Variants in CFAP20DC observed in about 807,000 individuals in gnomAD.
CFAP20DC encodes the protein protein CFAP20DC.
CFAP20DC carries 84 observed loss-of-function variants against 101.7 expected under a neutral mutation model. That is an observed-to-expected ratio of 0.83 (90% CI 0.69 to 0.99). CFAP20DC has a LOEUF of 0.99. Ranked by LOEUF, CFAP20DC falls within the 50% of genes least tolerant of loss-of-function variation. CFAP20DC has a pLI of 0.00. For synonymous variants in CFAP20DC, 359 were observed against 351.2 expected, an observed-to-expected ratio of 1.02 and a Z score of -0.25; for missense variants, 1,007 against 970.3, an observed-to-expected ratio of 1.04 and a Z score of -0.50.
chr3:59,003,856 T>C (rs1408341898), intron 4 of CFAP20DC, among the ~76,000 whole-genome samples: 1 of 152,210 alleles, frequency 6.6e-6, no homozygotes, highest in East Asian at 1.9e-4. Flanking sequence ...CTAATTTCAC[T>C]TTAATTTCCA....
downstream of CFAP20DC, among the ~76,000 whole-genome samples, chr3:58,741,228 C>G (rs574096020): frequency 6.6e-6 from 1 of 152,150 alleles, no homozygotes; most frequent in East Asian, 1.9e-4. Context: ...TAAGTACTTC[C>G]TTGAGCTCAA....
chr3:58,767,362 C>T (rs1015716842), intron 15 of CFAP20DC, among the ~76,000 whole-genome samples: 1 of 152,024 alleles, frequency 6.6e-6, no homozygotes, highest in African/African-American at 2.4e-5. Flanking sequence ...TAATTTTCTA[C>T]CTCAGGAAGC....
chr3:58,770,963 G>A (rs1575599237), intron 15 of CFAP20DC, among the ~76,000 whole-genome samples: 2 of 152,206 alleles, frequency 1.3e-5, no homozygotes, highest in East Asian at 3.9e-4. Context: ...TATGTTTATC[G>A]CGGCACTATT....
At chr3:58,759,584 G>C (rs1282005357) in intron 15 of CFAP20DC, among the ~76,000 whole-genome samples, 1 of 152,128 alleles carries the variant, frequency 6.6e-6, no homozygotes, top group Non-Finnish European at 1.5e-5. Flanking sequence ...ACTGATTTTG[G>C]TGTTTTAGAC....
chr3:58,751,492 C>G (rs186224618), intron 16 of CFAP20DC, among the ~76,000 whole-genome samples: 1 of 152,232 alleles, frequency 6.6e-6, no homozygotes, highest in Non-Finnish European at 1.5e-5. Context: ...TTCTAACAAG[C>G]ATGGGTGGGA....
At chr3:59,033,869 G>C (rs1390869837) in intron 4 of CFAP20DC, among the ~76,000 whole-genome samples, 2 of 152,142 alleles carry the variant, frequency 1.3e-5, no homozygotes, top group Non-Finnish European at 2.9e-5. Flanking sequence ...GATATTCCTT[G>C]AGAAGAGCAA....
intron 12 of CFAP20DC, chr3:58,862,602 A>G (rs2079342009): frequency 1.0e-6 from 1 of 985,292 alleles, no homozygotes; most frequent in Non-Finnish European, 1.2e-6. Flanking sequence ...TATATTCTCA[A>G]CTGCCTCCGA....
At chr3:58,870,455 A>G in intron 7 of CFAP20DC, 146 bp from the exon 8 acceptor site, 1 of 688,690 alleles carries the variant, frequency 1.5e-6, no homozygotes, top group Non-Finnish European at 2.5e-6. Context: ...CACAGATACT[A>G]GGGCCCAACA....
rs924616002 is a variant in CFAP20DC at position 58,728,698 on chromosome 3, T to G, written c.198-11070A>C. On this transcript the variant is annotated intron_variant, in intron 3 of 3. Transcript: ENST00000486145. This position sits in a 1 kb window ranked among gnomAD's most constrained non-coding sequence, Gnocchi z 4.7. ...ATATGCCAGAGCTTTGGTAAATGCA[T>G]GAACTCTACACACCGTATTGGAGAG... is the stretch of plus-strand genomic sequence containing the variant. 1.3e-5 allele frequency among the ~76,000 whole-genome samples: 2 copies of G among 152,284 alleles called. No homozygotes were observed. The highest frequency in any genetic ancestry group is 2.9e-5 in the Non-Finnish European group (2 of 68,026).
intron 14 of CFAP20DC, among the ~76,000 whole-genome samples, chr3:58,811,855 A>G (rs2074665395): frequency 6.6e-6 from 1 of 152,144 alleles, no homozygotes; most frequent in Non-Finnish European, 1.5e-5. Flanking sequence ...AAACAAATTT[A>G]CAAGAAAAAA....
intron 14 of CFAP20DC, among the ~76,000 whole-genome samples, chr3:58,808,359 T>G (rs757054358): frequency 1.4e-4 from 22 of 152,208 alleles, no homozygotes; most frequent in South Asian, 8.3e-4. Flanking sequence ...GACTAACAGC[T>G]GATCTCTCAG....
chr3:58,901,898 C>T (rs1299019472), intron 6 of CFAP20DC, among the ~76,000 whole-genome samples: 1 of 152,186 alleles, frequency 6.6e-6, no homozygotes, highest in Admixed American at 6.5e-5. Context: ...AACCCCTTAT[C>T]CATTAAGTAG....
intron 3 of CFAP20DC, among the ~76,000 whole-genome samples, chr3:59,044,015 A>G (rs1021717058): frequency 1.5e-4 from 23 of 152,270 alleles, no homozygotes; most frequent in Non-Finnish European, 2.6e-4. Context: ...TAATATCACA[A>G]TTTCCTTTAT....
chr3:58,812,305 C>A lies in CFAP20DC; in HGVS notation c.2176-5849G>T, dbSNP rs1559628408. Among the ~76,000 whole-genome samples the A allele has an allele frequency of 2.6e-5, 4 of 152,062 alleles. No homozygotes were observed. In the South Asian group the frequency reaches 6.2e-4, roughly 24 times the overall value. On this transcript the variant is annotated intron_variant, in intron 14 of 16. Coordinates refer to ENST00000482387, the MANE Select transcript of CFAP20DC (RefSeq NM_001394063.1). ...CAATAGCAAAGACTTGGAACCAACCCAAATGTCCAACAATGATAGAATGGA... is the reference window on the plus strand; with the variant it reads ...CAATAGCAAAGACTTGGAACCAACCAAAATGTCCAACAATGATAGAATGGA...
At chr3:58,992,527 G>A (rs745938077) in intron 4 of CFAP20DC, 6 of 975,630 alleles carry the variant, frequency 6.1e-6, no homozygotes, top group Non-Finnish European at 6.1e-6. Context: ...CAAATGGTTT[G>A]AGAAGTCCTA....
chr3:58,972,755 G>T (rs1167811197), intron 4 of CFAP20DC, among the ~76,000 whole-genome samples: 1 of 152,110 alleles, frequency 6.6e-6, no homozygotes, highest in Non-Finnish European at 1.5e-5. Flanking sequence ...CAATTTGTAA[G>T]TTTCCAGAAC....
At chr3:58,775,984 TG>T (rs2071304216) in intron 15 of CFAP20DC, among the ~76,000 whole-genome samples, 1 of 152,132 alleles carries the variant, frequency 6.6e-6, no homozygotes, top group East Asian at 1.9e-4. Context: ...TCAGGTGATC[TG>T]CCTGCCTTGG....
chr3:58,759,670 C>T (rs1353824300), intron 15 of CFAP20DC, among the ~76,000 whole-genome samples: 4 of 152,136 alleles, frequency 2.6e-5, no homozygotes, highest in African/African-American at 4.8e-5. Flanking sequence ...GGTTTTAGGT[C>T]TAACGTTTAA....
rs1453533712 is a variant in CFAP20DC at position 58,924,242 on chromosome 3, C to T, written c.394-10378G>A. On this transcript the variant is annotated intron_variant, in intron 5 of 16. Transcript: ENST00000482387. ...CCATTACCCCGCTTCTAGCCTCCCCCGACTTTTAGACTAGCCAGTGTCTAT... is the reference window on the plus strand; with the variant it reads ...CCATTACCCCGCTTCTAGCCTCCCCTGACTTTTAGACTAGCCAGTGTCTAT... 5.3e-5 allele frequency among the ~76,000 whole-genome samples: 8 copies of T among 152,148 alleles called. No homozygotes were observed. The South Asian group carries it at 1.2e-3, about 24-fold the overall frequency.
Sources: allele counts gnomAD v4.1 joint callset (sites outside exome capture counted in the v4.1 genomes callset), GRCh38; gene constraint gnomAD v4.1.1; non-coding constraint Gnocchi (gnomAD v3.1); transcripts MANE v1.5; gene names NCBI Gene and HGNC (gene_info 2026-07-23, HGNC 2026-07-21).